Variants in MACROD2 observed in about 807,000 individuals in gnomAD.
MACROD2 encodes ADP-ribose glycohydrolase MACROD2.
A neutral mutation model predicts 70.4 loss-of-function variants in MACROD2; 36 were observed. The ratio of observed to expected loss-of-function variants is 0.51; its 90% CI spans 0.39 to 0.68. The LOEUF is 0.68. Ranked by LOEUF, MACROD2 falls within the 30% of genes least tolerant of loss-of-function variation. The pLI, the probability that MACROD2 is intolerant of heterozygous loss-of-function variation, is 0.00. For synonymous variants in MACROD2, 172 were observed against 178.8 expected, an observed-to-expected ratio of 0.96 and a Z score of 0.30; for missense variants, 496 against 538.4, an observed-to-expected ratio of 0.92 and a Z score of 0.78.
chr20:15,527,561 T>G (rs1296297074), intron 8 of MACROD2, among the ~76,000 whole-genome samples: 2 of 152,176 alleles, frequency 1.3e-5, no homozygotes, highest in African/African-American at 4.8e-5. Flanking sequence ...GTTGCAGCCA[T>G]TTTTCTCCCT....
intron 3 of MACROD2, among the ~76,000 whole-genome samples, chr20:14,177,301 C>CTTTTTTT (rs71190114): frequency 1.6e-5 from 2 of 125,438 alleles, no homozygotes; most frequent in Non-Finnish European, 3.2e-5. Context: ...GAGATATCTT[C>CTTTTTTT]TTTTTTTTTT....
At chr20:15,389,039 G>A (rs894574101) in intron 6 of MACROD2, among the ~76,000 whole-genome samples, 4 of 152,144 alleles carry the variant, frequency 2.6e-5, no homozygotes, top group Admixed American at 6.5e-5. Context: ...TCTTAGCCAC[G>A]AAAGTATCAC....
intron 3 of MACROD2, among the ~76,000 whole-genome samples, chr20:14,108,665 G>A (rs2054404884): frequency 6.6e-6 from 1 of 151,964 alleles, no homozygotes; most frequent in Non-Finnish European, 1.5e-5. Flanking sequence ...GTAAGATAAA[G>A]AAGGTCATTA....
At chr20:15,584,073 G>A (rs550458016) in intron 8 of MACROD2, among the ~76,000 whole-genome samples, 26 of 152,206 alleles carry the variant, frequency 1.7e-4, no homozygotes, top group Non-Finnish European at 3.4e-4. Context: ...TTACCCTAAA[G>A]AGTCTTCCAA....
At chr20:14,827,885 A>G (rs1445597269) in intron 5 of MACROD2, among the ~76,000 whole-genome samples, 1 of 152,078 alleles carries the variant, frequency 6.6e-6, no homozygotes, top group Non-Finnish European at 1.5e-5. Flanking sequence ...TTTACATACT[A>G]TCTAATATCT....
intron 8 of MACROD2, among the ~76,000 whole-genome samples, chr20:15,761,871 T>C (rs1036334905): frequency 6.6e-6 from 1 of 152,230 alleles, no homozygotes; most frequent in African/African-American, 2.4e-5. Flanking sequence ...TTGATTTCCT[T>C]CTCAGCTTCT....
intron 5 of MACROD2, among the ~76,000 whole-genome samples, chr20:15,227,998 G>A (rs1450275021): frequency 2.0e-5 from 3 of 151,974 alleles, no homozygotes; most frequent in African/African-American, 7.2e-5. Context: ...TAAATAACAA[G>A]TAGCCACCAG....
At chr20:14,422,523 T>C (rs1483337393) in intron 3 of MACROD2, among the ~76,000 whole-genome samples, 2 of 152,188 alleles carry the variant, frequency 1.3e-5, no homozygotes, top group Non-Finnish European at 2.9e-5. Flanking sequence ...TTGATTTTTT[T>C]TTGTAGTGAA....
chr20:14,929,166 A>C (rs2074268586), intron 5 of MACROD2, among the ~76,000 whole-genome samples: 1 of 152,158 alleles, frequency 6.6e-6, no homozygotes, highest in Non-Finnish European at 1.5e-5. Context: ...GTGTCCTATA[A>C]TTTAATTCAG....
intron 6 of MACROD2, among the ~76,000 whole-genome samples, chr20:15,361,627 A>G (rs780838237): frequency 2.0e-5 from 3 of 152,154 alleles, no homozygotes; most frequent in Admixed American, 2.0e-4. Flanking sequence ...ATTGTGTTAA[A>G]CTTCTATGTC....
At chr20:14,018,707 C>T (rs2053027376) in intron 2 of MACROD2, among the ~76,000 whole-genome samples, 1 of 152,112 alleles carries the variant, frequency 6.6e-6, no homozygotes, top group African/African-American at 2.4e-5. Flanking sequence ...ACATTGTTTT[C>T]CTAATTTTCT....
chr20:14,314,157 G>T (rs1274128154), intron 3 of MACROD2, among the ~76,000 whole-genome samples: 1 of 152,186 alleles, frequency 6.6e-6, no homozygotes, highest in African/African-American at 2.4e-5. Context: ...ACAGCTTTAA[G>T]ATAACTAATC....
intron 5 of MACROD2, among the ~76,000 whole-genome samples, chr20:15,150,492 A>G (rs1238618743): frequency 6.6e-6 from 1 of 152,006 alleles, no homozygotes; most frequent in Non-Finnish European, 1.5e-5. Flanking sequence ...AGGAGAATTT[A>G]TAGGTTTTAG....
At position 14,782,368 on chromosome 20, in the gene MACROD2, A is replaced by T. The variant is rs189372677; in HGVS notation, c.418+97409A>T. Among the ~76,000 whole-genome samples the T allele has an allele frequency of 2.2e-4, 33 of 152,274 alleles. No individual in the cohort carries two copies. In the East Asian group the frequency reaches 5.8e-3, roughly 27 times the overall value. ...GGCCTTAACTATCTATTCAGAAAGC[A>T]AAGATAAAACTTTATACGGCTAGCC... On this transcript the variant is annotated intron_variant, in intron 5 of 17. Coordinates refer to ENST00000684519, the MANE Select transcript of MACROD2 (RefSeq NM_001351661.2).
At chr20:15,639,919 G>C (rs1473027151) in intron 8 of MACROD2, among the ~76,000 whole-genome samples, 1 of 151,578 alleles carries the variant, frequency 6.6e-6, no homozygotes, top group Non-Finnish European at 1.5e-5. Flanking sequence ...GAGAGAAGGA[G>C]AGAAAGAGAG....
chr20:15,914,571 A>T (rs1175256150), intron 10 of MACROD2, among the ~76,000 whole-genome samples: 4 of 152,200 alleles, frequency 2.6e-5, no homozygotes, highest in Non-Finnish European at 5.9e-5. Flanking sequence ...ATTTACCATA[A>T]TGCGTAAGGA....
intron 8 of MACROD2, among the ~76,000 whole-genome samples, chr20:15,725,924 A>G (rs2050855857): frequency 1.3e-5 from 2 of 152,140 alleles, no homozygotes; most frequent in South Asian, 4.1e-4. Context: ...AAATTTACCT[A>G]TCTAAAAATA....
intron 3 of MACROD2, among the ~76,000 whole-genome samples, chr20:14,429,640 GT>G (rs1185278910): frequency 6.6e-6 from 1 of 152,134 alleles, no homozygotes. Context: ...GCATGCAGAT[GT>G]TTTCCTAAGT....
chr20:14,918,056 T>C (rs2074114606), intron 5 of MACROD2, among the ~76,000 whole-genome samples: 1 of 152,066 alleles, frequency 6.6e-6, no homozygotes, highest in Non-Finnish European at 1.5e-5. Context: ...CACTTTAGCC[T>C]CGACCACCCC....
Sources: allele counts gnomAD v4.1 joint callset (sites outside exome capture counted in the v4.1 genomes callset), GRCh38; gene constraint gnomAD v4.1.1; transcripts MANE v1.5; gene names NCBI Gene and HGNC (gene_info 2026-07-23, HGNC 2026-07-21).